The following FRMD5 variants were observed in gnomAD, a reference collection of about 807,000 sequenced individuals.
FRMD5 encodes FERM domain-containing protein 5.
A neutral mutation model predicts 69.0 loss-of-function variants in FRMD5; 20 were observed. The ratio of observed to expected loss-of-function variants is 0.29; its 90% CI spans 0.20 to 0.42. The LOEUF (loss-of-function observed/expected upper bound fraction) is 0.42. Ranked by LOEUF, FRMD5 falls within the 10% of genes least tolerant of loss-of-function variation. The pLI is 1.00. For missense variants in FRMD5, 595 were observed against 708.6 expected (o/e 0.84, Z 1.82); for synonymous variants, 271 against 260.1 (o/e 1.04, Z -0.40).
chr15:44,155,611 C>T (rs1033397343), intron 1 of FRMD5, among the ~76,000 whole-genome samples: 7 of 151,472 alleles, frequency 4.6e-5, no homozygotes, highest in East Asian at 1.9e-4. Flanking sequence ...ACATTTTTTG[C>T]GAGACAAAGT....
chr15:44,057,777 GA>G (rs1476213948), intron 1 of FRMD5, among the ~76,000 whole-genome samples: 1 of 152,184 alleles, frequency 6.6e-6, no homozygotes, highest in African/African-American at 2.4e-5. Context: ...CTTGAACAAT[GA>G]ACATTCTGAA....
At chr15:44,153,109 G>A (rs891550269) in intron 1 of FRMD5, among the ~76,000 whole-genome samples, 1 of 152,194 alleles carries the variant, frequency 6.6e-6, no homozygotes, top group African/African-American at 2.4e-5. Flanking sequence ...TGCACTATTG[G>A]TGGGACTATA....
chr15:43,874,922 G>A (rs1435191908), intron 13 of FRMD5, among the ~76,000 whole-genome samples: 1 of 151,808 alleles, frequency 6.6e-6, no homozygotes, highest in Non-Finnish European at 1.5e-5. Context: ...GAAAAAGGCT[G>A]GGCGTGGTGC....
At chr15:43,935,568 AG>A (rs1376012910) in intron 1 of FRMD5, among the ~76,000 whole-genome samples, 31 of 152,302 alleles carry the variant, frequency 2.0e-4, no homozygotes, top group African/African-American at 7.0e-4. Context: ...GGGAATGACC[AG>A]GTCCCCAGAG....
rs914077412 is a variant in FRMD5 at position 43,872,276 on chromosome 15, C to G, written c.*1609G>C. The G allele has an allele frequency of 1.3e-5, 2 of 152,130 alleles. No homozygotes were observed. Among genetic ancestry groups the G allele is most frequent in the Admixed American group, 1.3e-4 (2 of 15,274 alleles). The allele number at this position is 152,130 out of a possible 1,614,324, so 9.4% of individuals were successfully genotyped here. Reference sequence around the variant, plus strand: ...TCATATTGTAAACATGGACATGGTTCTACCATCTCGGGGGACAAAATAGGG... The same window carrying G: ...TCATATTGTAAACATGGACATGGTTGTACCATCTCGGGGGACAAAATAGGG... On this transcript the variant is annotated 3_prime_UTR_variant, in exon 14 of 14. Coordinates refer to ENST00000417257, the MANE Select transcript of FRMD5 (RefSeq NM_032892.5).
At chr15:44,130,356 T>C (rs1193946305) in intron 1 of FRMD5, among the ~76,000 whole-genome samples, 1 of 152,204 alleles carries the variant, frequency 6.6e-6, no homozygotes, top group Non-Finnish European at 1.5e-5. Context: ...AGGACCCTGA[T>C]GGCATTCCTT....
At chr15:43,981,384 A>G (rs1022250481) in intron 1 of FRMD5, among the ~76,000 whole-genome samples, 1 of 152,216 alleles carries the variant, frequency 6.6e-6, no homozygotes, top group Non-Finnish European at 1.5e-5. Context: ...TAAATGGATT[A>G]TCATAAAGGT....
chr15:44,116,105 T>A (rs1342493688), intron 1 of FRMD5, among the ~76,000 whole-genome samples: 1 of 150,936 alleles, frequency 6.6e-6, no homozygotes, highest in Admixed American at 6.6e-5. Flanking sequence ...GGGGAAGGAG[T>A]GCGATAAGGA....
intron 1 of FRMD5, among the ~76,000 whole-genome samples, chr15:44,034,178 A>G (rs191989587): frequency 9.2e-5 from 14 of 152,340 alleles, no homozygotes; most frequent in African/African-American, 3.4e-4. Flanking sequence ...TCAAAAGTCA[A>G]TGAAAAATAT....
chr15:43,982,984 A>C (rs2090571302), intron 1 of FRMD5, among the ~76,000 whole-genome samples: 1 of 152,110 alleles, frequency 6.6e-6, no homozygotes, highest in Non-Finnish European at 1.5e-5. Context: ...AGGCTGGAGT[A>C]CAGTGGTGTG....
At chr15:43,875,303 A>T (rs2088300338) in intron 13 of FRMD5, among the ~76,000 whole-genome samples, 1 of 147,352 alleles carries the variant, frequency 6.8e-6, no homozygotes, top group Non-Finnish European at 1.5e-5. Flanking sequence ...GTAAACCAAG[A>T]TCACACCACT....
At chr15:44,184,347 T>C (rs976606836) in intron 1 of FRMD5, among the ~76,000 whole-genome samples, 11 of 152,220 alleles carry the variant, frequency 7.2e-5, no homozygotes, top group African/African-American at 2.4e-4. Flanking sequence ...CCAATCCAGC[T>C]AAAGCCCAAG....
intron 1 of FRMD5, among the ~76,000 whole-genome samples, chr15:44,065,818 C>A (rs186355048): frequency 6.6e-6 from 1 of 152,318 alleles, no homozygotes; most frequent in East Asian, 1.9e-4. Flanking sequence ...TTCCTGCACT[C>A]ATTACTTTTT....
intron 1 of FRMD5, among the ~76,000 whole-genome samples, chr15:44,167,560 C>T (rs2077730856): frequency 6.6e-6 from 1 of 152,052 alleles, no homozygotes; most frequent in Admixed American, 6.5e-5. Context: ...CTGAGGCATC[C>T]TAAACACTTT....
intron 1 of FRMD5, chr15:43,990,256 C>CG: frequency 2.8e-6 from 1 of 363,610 alleles, no homozygotes. Flanking sequence ...AGGGTGGACA[C>CG]GGTCTCAGCA....
intron 1 of FRMD5, among the ~76,000 whole-genome samples, chr15:43,994,844 A>G (rs993678509): frequency 1.3e-5 from 2 of 152,164 alleles, no homozygotes; most frequent in African/African-American, 4.8e-5. Flanking sequence ...TTTACCAGTG[A>G]GTTTGTATGT....
chr15:44,070,948 T>C (rs978794392), intron 1 of FRMD5, among the ~76,000 whole-genome samples: 3 of 152,186 alleles, frequency 2.0e-5, no homozygotes, highest in African/African-American at 7.2e-5. Flanking sequence ...CTGGCCCCTC[T>C]TCTGCACAGC....
At chr15:43,932,330 G>A (rs1158780406) in intron 1 of FRMD5, among the ~76,000 whole-genome samples, 2 of 152,208 alleles carry the variant, frequency 1.3e-5, no homozygotes, top group East Asian at 3.8e-4. Flanking sequence ...TACCATTTTG[G>A]AAATATGCCC....
At chr15:44,013,425 T>C (rs942579059) in intron 1 of FRMD5, among the ~76,000 whole-genome samples, 1 of 152,192 alleles carries the variant, frequency 6.6e-6, no homozygotes, top group African/African-American at 2.4e-5. Context: ...GATTCAATGA[T>C]ATTAATAATG....
Sources: gnomAD v4.1 joint callset for allele counts (sites outside exome capture counted in the v4.1 genomes callset) on GRCh38, gnomAD v4.1.1 for gene constraint, MANE v1.5 for transcripts, NCBI Gene and HGNC (gene_info 2026-07-23, HGNC 2026-07-21) for gene names.